The following MAP3K5 variants were observed in gnomAD, a reference collection of about 807,000 sequenced individuals.
The protein encoded by MAP3K5 is ASK-1.
A neutral mutation model predicts 158.7 loss-of-function variants in MAP3K5; 56 were observed. That is an observed-to-expected ratio of 0.35 (90% CI 0.28 to 0.44). The LOEUF (loss-of-function observed/expected upper bound fraction) is 0.44. Ranked by LOEUF, MAP3K5 falls within the 20% of genes least tolerant of loss-of-function variation. The pLI is 1.00. For synonymous variants in MAP3K5, 579 were observed against 601.7 expected, an observed-to-expected ratio of 0.96 and a Z score of 0.55; for missense variants, 1,294 against 1,674.8, an observed-to-expected ratio of 0.77 and a Z score of 3.97.
chr6:136,575,421 C>T (rs747901451), intron 25 of MAP3K5, among the ~76,000 whole-genome samples: 1 of 152,098 alleles, frequency 6.6e-6, no homozygotes, highest in Non-Finnish European at 1.5e-5. Context: ...ACCTCAGCCT[C>T]CCAAAGTGCT....
intron 14 of MAP3K5, among the ~76,000 whole-genome samples, chr6:136,624,771 T>C (rs1776959290): frequency 6.6e-6 from 1 of 152,148 alleles, no homozygotes; most frequent in Admixed American, 6.5e-5. Flanking sequence ...GTTAGGTAGA[T>C]GAAAAATTTC....
intron 14 of MAP3K5, among the ~76,000 whole-genome samples, chr6:136,632,723 T>C (rs1777432173): frequency 1.3e-5 from 2 of 151,962 alleles, no homozygotes; most frequent in African/African-American, 4.8e-5. Context: ...TAAGACGGGT[T>C]TGGGAGGGGT....
chr6:136,647,467 A>T (rs977168015), intron 11 of MAP3K5, among the ~76,000 whole-genome samples: 10 of 152,228 alleles, frequency 6.6e-5, no homozygotes, highest in Non-Finnish European at 2.9e-5. Context: ...TGGGTTCATA[A>T]TTCACATTCT....
chr6:136,681,838 G>A (rs1241284792), intron 7 of MAP3K5, among the ~76,000 whole-genome samples: 1 of 152,120 alleles, frequency 6.6e-6, no homozygotes, highest in Non-Finnish European at 1.5e-5. Flanking sequence ...AGAATGGCGT[G>A]AACCTGGGAG....
intron 7 of MAP3K5, among the ~76,000 whole-genome samples, chr6:136,673,387 T>G (rs1158529568): frequency 6.6e-6 from 1 of 152,154 alleles, no homozygotes; most frequent in Non-Finnish European, 1.5e-5. Flanking sequence ...CAGCAAGTTG[T>G]GACCAATAAA....
At chr6:136,566,990 A>G (rs545966428) in intron 26 of MAP3K5, among the ~76,000 whole-genome samples, 1 of 152,374 alleles carries the variant, frequency 6.6e-6, no homozygotes, top group South Asian at 2.1e-4. Context: ...TAGGCAGCAC[A>G]GGAAGCTATA....
At chr6:136,765,391 C>T (rs1055703866) in intron 1 of MAP3K5, among the ~76,000 whole-genome samples, 1 of 152,310 alleles carries the variant, frequency 6.6e-6, no homozygotes, top group Admixed American at 6.5e-5. Context: ...CAAACTCCTA[C>T]ACTCAGGACA....
At chr6:136,663,766 C>T (rs1251353354) in intron 8 of MAP3K5, among the ~76,000 whole-genome samples, 2 of 151,928 alleles carry the variant, frequency 1.3e-5, no homozygotes, top group African/African-American at 2.4e-5. Flanking sequence ...TGAACCACCA[C>T]GCCCGGCTAA....
intron 8 of MAP3K5, among the ~76,000 whole-genome samples, chr6:136,666,498 T>G (rs971360281): frequency 5.3e-5 from 8 of 152,184 alleles, no homozygotes; most frequent in Non-Finnish European, 1.2e-4. Flanking sequence ...ATGGGAGGTA[T>G]AAATTACTGG....
chr6:136,611,470 A>G, intron 17 of MAP3K5, 83 bp from the exon 18 acceptor site: 1 of 703,644 alleles, frequency 1.4e-6, no homozygotes, highest in Admixed American at 2.2e-5. Flanking sequence ...CAATTTAAAA[A>G]AAAAAAAGGT....
intron 28 of MAP3K5, 66 bp from the exon 29 acceptor site, chr6:136,558,942 T>C: frequency 1.2e-6 from 1 of 808,804 alleles, no homozygotes; most frequent in Non-Finnish European, 2.1e-6. Flanking sequence ...CAAACTCTAT[T>C]CATAATGTAA....
At chr6:136,775,467 C>A (rs1784368161) in intron 1 of MAP3K5, among the ~76,000 whole-genome samples, 1 of 152,166 alleles carries the variant, frequency 6.6e-6, no homozygotes, top group South Asian at 2.1e-4. Flanking sequence ...ATGAGAGTCT[C>A]GAATTCTCCT....
At chr6:136,671,667 G>A (rs986223282) in intron 7 of MAP3K5, among the ~76,000 whole-genome samples, 3 of 152,194 alleles carry the variant, frequency 2.0e-5, no homozygotes, top group African/African-American at 4.8e-5. Context: ...AGGCTGGAGC[G>A]CAGTGACACG....
intron 11 of MAP3K5, chr6:136,648,111 T>C (rs1234467396): frequency 6.6e-6 from 1 of 152,222 alleles, no homozygotes; most frequent in African/African-American, 2.4e-5. Context: ...GTGAGTCTCA[T>C]GGGAAGCTAT....
At chr6:136,656,133 G>C (rs1778734249) in intron 10 of MAP3K5, 174 bp downstream of exon 10, 1 of 574,558 alleles carries the variant, frequency 1.7e-6, no homozygotes, top group South Asian at 2.2e-5. Flanking sequence ...CTGATTTTGA[G>C]AAGTTATTTT....
chr6:136,601,721 T>C, intron 20 of MAP3K5, 81 bp downstream of exon 20: 1 of 1,322,644 alleles, frequency 7.6e-7, no homozygotes, highest in Non-Finnish European at 1.1e-6. Flanking sequence ...AACAGGTTAG[T>C]TTACTTCCGG....
intron 4 of MAP3K5, among the ~76,000 whole-genome samples, chr6:136,697,657 T>A (rs1159883803): frequency 6.7e-6 from 1 of 149,338 alleles, no homozygotes; most frequent in Non-Finnish European, 1.5e-5. Flanking sequence ...AAAAAACCAC[T>A]TAAAATGCCA....
intron 15 of MAP3K5, among the ~76,000 whole-genome samples, chr6:136,621,343 T>G: frequency 6.6e-6 from 1 of 152,120 alleles, no homozygotes. Context: ...TCTCTACCTT[T>G]CCATGAGAGC....
At chr6:136,606,167 A>G (rs549373843) in intron 18 of MAP3K5, among the ~76,000 whole-genome samples, 2 of 152,342 alleles carry the variant, frequency 1.3e-5, no homozygotes, top group South Asian at 4.1e-4. Flanking sequence ...CCTGGCAAAC[A>G]TGGTGAAACC....
Sources: allele counts gnomAD v4.1 joint callset (sites outside exome capture counted in the v4.1 genomes callset), GRCh38; gene constraint gnomAD v4.1.1; transcripts MANE v1.5; gene names NCBI Gene and HGNC (gene_info 2026-07-23, HGNC 2026-07-21).